PHACTR1: variants seen among roughly 807,000 people sequenced by gnomAD.
PHACTR1 encodes the protein RPEL repeat containing 1.
PHACTR1 carries 16 observed loss-of-function variants against 69.2 expected under a neutral mutation model. That is an observed-to-expected ratio of 0.23 (90% CI 0.16 to 0.35). The LOEUF (loss-of-function observed/expected upper bound fraction) is 0.35, where lower values mean the gene tolerates loss of function less well. PHACTR1 is among the 10% of genes least tolerant of loss of function. The pLI is 1.00. For synonymous variants in PHACTR1, 312 were observed against 284.5 expected, an observed-to-expected ratio of 1.10 and a Z score of -0.97; for missense variants, 510 against 734.7, an observed-to-expected ratio of 0.69 and a Z score of 3.54.
chr6:12,779,083 C>G (rs888247020), intron 4 of PHACTR1, among the ~76,000 whole-genome samples: 1 of 152,158 alleles, frequency 6.6e-6, no homozygotes, highest in Non-Finnish European at 1.5e-5. Context: ...TGCCTGTAAT[C>G]CCAGCACTTT....
intron 4 of PHACTR1, among the ~76,000 whole-genome samples, chr6:12,998,864 T>C (rs1479431211): frequency 6.6e-6 from 1 of 152,064 alleles, no homozygotes; most frequent in South Asian, 2.1e-4. Context: ...AAGTAATTTG[T>C]AGACACAGAA....
At chr6:13,015,459 T>G (rs142124026) in intron 4 of PHACTR1, among the ~76,000 whole-genome samples, 234 of 152,210 alleles carry the variant, frequency 1.5e-3, no homozygotes, top group African/African-American at 5.3e-3. Flanking sequence ...GCTGATAACA[T>G]CGAGACCTAT....
chr6:12,986,924 T>C (rs1256707931), intron 4 of PHACTR1, among the ~76,000 whole-genome samples: 1 of 152,186 alleles, frequency 6.6e-6, no homozygotes, highest in Non-Finnish European at 1.5e-5. Flanking sequence ...AAGACACCTG[T>C]CAAGATGCTA....
rs541354128 is a variant in PHACTR1, at chr6:13,166,471, G to A, written c.496+6187G>A. 5.3e-4 allele frequency among the ~76,000 whole-genome samples: 80 copies of A among 152,248 alleles called. 1 individual carries two copies. The highest frequency in any genetic ancestry group is 1.9e-3 in the African/African-American group (79 of 41,556). ...GACAAAATTGATGTTCAGCAAATGCGAATAGAAAGCAATGAATGCAGGCAT... is the reference window on the plus strand; with the variant it reads ...GACAAAATTGATGTTCAGCAAATGCAAATAGAAAGCAATGAATGCAGGCAT... On this transcript the variant is annotated intron_variant, in intron 6 of 14. Transcript: ENST00000332995.
chr6:12,933,787 C>T (rs1789136483), intron 4 of PHACTR1: 1 of 1,612,686 alleles, frequency 6.2e-7, no homozygotes, highest in South Asian at 1.1e-5. Context: ...TCTGCTCAGG[C>T]CCCAGTACAG....
intron 4 of PHACTR1, among the ~76,000 whole-genome samples, chr6:13,045,292 C>T (rs995098288): frequency 6.6e-6 from 1 of 152,152 alleles, no homozygotes; most frequent in Non-Finnish European, 1.5e-5. Context: ...TAAGGTAACA[C>T]ATTTTAAGTG....
intron 4 of PHACTR1, among the ~76,000 whole-genome samples, chr6:12,830,091 G>GAA: frequency 1.9e-5 from 1 of 52,780 alleles, no homozygotes; most frequent in African/African-American, 9.9e-5. Flanking sequence ...GAAGGAAGGA[G>GAA]GGAAAGAAAG....
In PHACTR1 at chr6:12,879,216, G is replaced by C. The variant is rs570283311; in HGVS notation, c.250+129426G>C. Reference sequence around the variant, plus strand: ...TGAACCTTGAGTGTGAACCAAGGGAGAGACAGTGGTGCAGACGGGGAAAGG... The same window carrying C: ...TGAACCTTGAGTGTGAACCAAGGGACAGACAGTGGTGCAGACGGGGAAAGG... On this transcript the variant is annotated intron_variant, in intron 4 of 14. Transcript: ENST00000332995. Among the ~76,000 whole-genome samples, 5 of 152,326 alleles carry C rather than the reference G, an allele frequency of 3.3e-5. No individual in the cohort carries two copies. The South Asian group carries it at 6.2e-4, about 19-fold the overall frequency.
At chr6:12,740,669 T>C (rs1462433049) in intron 3 of PHACTR1, among the ~76,000 whole-genome samples, 1 of 152,154 alleles carries the variant, frequency 6.6e-6, no homozygotes, top group African/African-American at 2.4e-5. Flanking sequence ...ATTGAAAATA[T>C]CTTCTCCCAG....
chr6:13,104,092 T>G, intron 5 of PHACTR1, among the ~76,000 whole-genome samples: 1 of 152,100 alleles, frequency 6.6e-6, no homozygotes, highest in Admixed American at 6.5e-5. Flanking sequence ...CTCAAAAAAA[T>G]AAAAAATAAA....
intron 4 of PHACTR1, among the ~76,000 whole-genome samples, chr6:12,791,819 TA>T: frequency 6.6e-6 from 1 of 152,116 alleles, no homozygotes; most frequent in Non-Finnish European, 1.5e-5. Flanking sequence ...GTTCTAGGTG[TA>T]GCAATGAATA....
intron 5 of PHACTR1, among the ~76,000 whole-genome samples, chr6:13,128,779 C>G (rs923320815): frequency 6.6e-6 from 1 of 152,024 alleles, no homozygotes; most frequent in Admixed American, 6.6e-5. Flanking sequence ...ATCTAGACAT[C>G]CAAATACAAA....
chr6:12,992,544 T>A (rs1209629579), intron 4 of PHACTR1, among the ~76,000 whole-genome samples: 1 of 152,226 alleles, frequency 6.6e-6, no homozygotes, highest in Admixed American at 6.5e-5. Flanking sequence ...TTGGACACCA[T>A]GTTGCAAGTG....
intron 5 of PHACTR1, among the ~76,000 whole-genome samples, chr6:13,069,050 T>C (rs576255276): frequency 4.0e-5 from 6 of 151,314 alleles, no homozygotes; most frequent in Non-Finnish European, 7.4e-5. Flanking sequence ...GAGACAGATG[T>C]GCAGGCCCCG....
At chr6:12,972,555 T>C (rs751676964) in intron 4 of PHACTR1, among the ~76,000 whole-genome samples, 1 of 152,190 alleles carries the variant, frequency 6.6e-6, no homozygotes, top group Non-Finnish European at 1.5e-5. Flanking sequence ...CATTTCTGTG[T>C]CTTTTTCAGC....
At chr6:13,010,793 C>T (rs944960544) in intron 4 of PHACTR1, among the ~76,000 whole-genome samples, 4 of 151,376 alleles carry the variant, frequency 2.6e-5, no homozygotes, top group African/African-American at 9.7e-5. Flanking sequence ...CACAGGAGCT[C>T]GTCCTCATTT....
chr6:12,838,929 C>G (rs1287079312), intron 4 of PHACTR1, among the ~76,000 whole-genome samples: 1 of 152,162 alleles, frequency 6.6e-6, no homozygotes, highest in African/African-American at 2.4e-5. Context: ...AATTATAAGG[C>G]TGTTGCTGCT....
At chr6:13,069,178 A>G (rs1809131599) in intron 5 of PHACTR1, among the ~76,000 whole-genome samples, 2 of 152,154 alleles carry the variant, frequency 1.3e-5, no homozygotes, top group South Asian at 2.1e-4. Context: ...ACTGTCTACC[A>G]TCTCAGTTAA....
chr6:12,888,202 T>C (rs944871369), intron 4 of PHACTR1, among the ~76,000 whole-genome samples: 4 of 152,078 alleles, frequency 2.6e-5, no homozygotes, highest in African/African-American at 9.7e-5. Context: ...GAGGCCATTT[T>C]TGCTCTTTTG....
Sources: allele counts gnomAD v4.1 joint callset (sites outside exome capture counted in the v4.1 genomes callset), GRCh38; gene constraint gnomAD v4.1.1; transcripts MANE v1.5; gene names NCBI Gene and HGNC (gene_info 2026-07-23, HGNC 2026-07-21).